LRRC75A: variants seen among roughly 807,000 people sequenced by gnomAD.
LRRC75A encodes the protein leucine rich repeat containing 75A.
Under a neutral mutation model 26.0 loss-of-function variants are expected in LRRC75A, and 12 were observed. The observed-to-expected ratio is 0.46, with a 90% CI of 0.30 to 0.75. LRRC75A has a LOEUF of 0.75. Ranked by LOEUF, LRRC75A falls within the 30% of genes least tolerant of loss-of-function variation. The pLI, the probability that LRRC75A is intolerant of heterozygous loss-of-function variation, is 0.08. For synonymous variants in LRRC75A, 223 were observed against 219.3 expected, an observed-to-expected ratio of 1.02 and a Z score of -0.15; for missense variants, 410 against 486.6, an observed-to-expected ratio of 0.84 and a Z score of 1.48.
chr17:16,480,644 A>AAC (rs1555893206), intron 1 of LRRC75A, among the ~76,000 whole-genome samples: 10 of 143,560 alleles, frequency 7.0e-5, no homozygotes, highest in Admixed American at 2.8e-4. Context: ...AAAAAAAAAC[A>AAC]AAAAAAAAAA....
chr17:16,452,737 C>T (rs35377488), intron 2 of LRRC75A, among the ~76,000 whole-genome samples: 17 of 151,916 alleles, frequency 1.1e-4, no homozygotes, highest in Admixed American at 2.0e-4. Flanking sequence ...CCTGGCCACA[C>T]GGGGATTTTT....
chr17:16,465,638 A>G (rs377465035), intron 1 of LRRC75A, among the ~76,000 whole-genome samples: 2 of 152,152 alleles, frequency 1.3e-5, no homozygotes, highest in Admixed American at 6.5e-5. Flanking sequence ...TACATCTCCA[A>G]GCTAGTCTAG....
At chr17:16,488,082 G>T (rs1033324050) in intron 1 of LRRC75A, among the ~76,000 whole-genome samples, 9 of 152,214 alleles carry the variant, frequency 5.9e-5, no homozygotes, top group African/African-American at 1.9e-4. Flanking sequence ...CAGGGAAACT[G>T]CTGGGGTGAA....
intron 1 of LRRC75A, among the ~76,000 whole-genome samples, chr17:16,485,679 T>TGTGTGTTC (rs2093845302): frequency 7.2e-6 from 1 of 138,424 alleles, no homozygotes; most frequent in East Asian, 2.1e-4. Context: ...TTCGTGTGTG[T>TGTGTGTTC]GTGTGTGTGT....
intron 3 of LRRC75A, among the ~76,000 whole-genome samples, chr17:16,446,110 T>C (rs1033061792): frequency 6.6e-6 from 1 of 152,236 alleles, no homozygotes; most frequent in African/African-American, 2.4e-5. Flanking sequence ...GGTTTCACTA[T>C]GTTAGCCAGG....
chr17:16,486,867 C>T (rs1032583948), intron 1 of LRRC75A, among the ~76,000 whole-genome samples: 2 of 152,218 alleles, frequency 1.3e-5, no homozygotes, highest in East Asian at 1.9e-4. Context: ...GTTGCACAGC[C>T]GTAGCTGGGG....
chr17:16,484,262 G>C (rs2093841140), intron 1 of LRRC75A, among the ~76,000 whole-genome samples: 1 of 152,136 alleles, frequency 6.6e-6, no homozygotes, highest in Non-Finnish European at 1.5e-5. Context: ...CTTGAACCTG[G>C]GAGGTGGAGG....
intron 1 of LRRC75A, among the ~76,000 whole-genome samples, chr17:16,479,575 C>T (rs969610474): frequency 2.0e-5 from 3 of 152,214 alleles, no homozygotes. Flanking sequence ...CTAGAAGCCA[C>T]ATTCCACCTC....
At chr17:16,485,363 A>G (rs2093843983) in intron 1 of LRRC75A, among the ~76,000 whole-genome samples, 1 of 152,170 alleles carries the variant, frequency 6.6e-6, no homozygotes, top group South Asian at 2.1e-4. Context: ...GCCCTCATGA[A>G]TGGGATTGGT....
Position 16,443,356 on chromosome 17 carries a change from CTT to C in LRRC75A, c.*230_*231del. On this transcript the variant is annotated 3_prime_UTR_variant, in exon 4 of 4. Transcript: ENST00000470794. ...GAGGGTTCTCTGGGGCCTGGGATGA[CTT>C]AAGAACCAAATGGCAGATAATGGGA... The C allele has an allele frequency of 2.0e-6, 1 of 510,878 alleles. No individual in the cohort carries two copies. The highest frequency in any genetic ancestry group is 3.5e-6 in the Non-Finnish European group (1 of 288,940). The allele number at this position is 510,878 out of a possible 1,614,324, so 31.6% of individuals were successfully genotyped here.
intron 1 of LRRC75A, among the ~76,000 whole-genome samples, chr17:16,482,453 G>A (rs185182784): frequency 9.9e-5 from 15 of 152,136 alleles, no homozygotes; most frequent in Admixed American, 4.6e-4. Context: ...GCTGAGGGCC[G>A]TGGGAAGGCC....
Position 16,485,884 on chromosome 17 carries a change from G to A in LRRC75A, c.246+5861C>T, listed in dbSNP as rs571727440. Among the ~76,000 whole-genome samples the A allele has an allele frequency of 1.2e-3, 177 of 148,090 alleles. 1 individual carries two copies. Among genetic ancestry groups the A allele is most frequent in the South Asian group, 6.2e-3 (29 of 4,688 alleles). ...GGTCACTGGATAACCCTTCTTCAAG[G>A]AGTCTCTCCCCTGCAGACAGGGAGT... On this transcript the variant is annotated intron_variant, in intron 1 of 3. Transcript: ENST00000470794.
intron 2 of LRRC75A, among the ~76,000 whole-genome samples, chr17:16,452,183 CTCAAAAAA>C (rs2093637714): frequency 1.8e-5 from 1 of 54,898 alleles, no homozygotes. Flanking sequence ...GAGACTTGCT[CTCAAAAAA>C]AAAAAAAAAA....
In LRRC75A at chr17:16,491,300, G is replaced by C. The variant is rs1242372796; in HGVS notation, c.246+445C>G. Among the ~76,000 whole-genome samples, 1 of 152,220 alleles carries C rather than the reference G, an allele frequency of 6.6e-6. No individual in the cohort carries two copies. Among genetic ancestry groups the C allele is most frequent in the Non-Finnish European group, 1.5e-5 (1 of 68,040 alleles). ...CATTGGCCCCAGGGCTGTGCCCCTG[G>C]ACTCGCTCTCGGGAAGCCAAGCCAG... On this transcript the variant is annotated intron_variant, in intron 1 of 3. Transcript: ENST00000470794. The surrounding 1 kb of genome is among the most constrained non-coding windows in gnomAD (Gnocchi z 5.9).
At chr17:16,470,030 C>T (rs2093798305) in intron 1 of LRRC75A, among the ~76,000 whole-genome samples, 1 of 152,176 alleles carries the variant, frequency 6.6e-6, no homozygotes, top group Admixed American at 6.5e-5. Flanking sequence ...TGCATTGTGT[C>T]TTTCTTGGCC....
At chr17:16,455,529 C>T (rs920815117) in intron 2 of LRRC75A, among the ~76,000 whole-genome samples, 2 of 152,090 alleles carry the variant, frequency 1.3e-5, no homozygotes, top group Admixed American at 6.5e-5. Flanking sequence ...CAGGCACCCG[C>T]CATCCATGCC....
intron 2 of LRRC75A, among the ~76,000 whole-genome samples, chr17:16,459,928 A>G (rs2093714906): frequency 6.6e-6 from 1 of 152,188 alleles, no homozygotes; most frequent in Non-Finnish European, 1.5e-5. Context: ...TGTTTTGAGG[A>G]AAACAAAGTC....
chr17:16,449,317 G>A (rs756604783), intron 2 of LRRC75A, among the ~76,000 whole-genome samples: 1 of 152,194 alleles, frequency 6.6e-6, no homozygotes, highest in Non-Finnish European at 1.5e-5. Flanking sequence ...GGGCCAAACC[G>A]TGGGGATTCA....
chr17:16,486,496 G>A (rs777544251), intron 1 of LRRC75A, among the ~76,000 whole-genome samples: 1 of 152,194 alleles, frequency 6.6e-6, no homozygotes, highest in Non-Finnish European at 1.5e-5. Flanking sequence ...CACTGGAAAA[G>A]CCTCGATCCA....
Sources: allele counts gnomAD v4.1 joint callset (sites outside exome capture counted in the v4.1 genomes callset), GRCh38; gene constraint gnomAD v4.1.1; non-coding constraint Gnocchi (gnomAD v3.1); transcripts MANE v1.5; gene names NCBI Gene and HGNC (gene_info 2026-07-23, HGNC 2026-07-21).